The following MYO7A variants were observed in gnomAD, a reference collection of about 807,000 sequenced individuals.
MYO7A encodes the protein unconventional myosin-VIIa.
Under a neutral mutation model 263.8 loss-of-function variants are expected in MYO7A, and 210 were observed. The observed-to-expected ratio is 0.80, with a 90% CI of 0.71 to 0.89. The LOEUF (loss-of-function observed/expected upper bound fraction) is 0.89. Ranked by LOEUF, MYO7A falls within the 40% of genes least tolerant of loss-of-function variation. The pLI is 0.00. For synonymous variants in MYO7A, 1,239 were observed against 1,197.3 expected (o/e 1.03, Z -0.72); for missense variants, 2,820 against 2,968.3 (o/e 0.95, Z 1.16).
At chr11:77,200,296 G>C (rs528018810) in intron 35 of MYO7A, among the ~76,000 whole-genome samples, 1 of 151,974 alleles carries the variant, frequency 6.6e-6, no homozygotes, top group African/African-American at 2.4e-5. Context: ...AAGAAACAAA[G>C]AGAAAAAAGA....
At chr11:77,172,237 A>C (rs138386396) in intron 15 of MYO7A, among the ~76,000 whole-genome samples, 1 of 152,178 alleles carries the variant, frequency 6.6e-6, no homozygotes, top group Non-Finnish European at 1.5e-5. Context: ...CATCACCTCC[A>C]CTTAGGAAAC....
At chr11:77,163,136 G>T in intron 14 of MYO7A, 148 bp downstream of exon 14, 3 of 856,116 alleles carry the variant, frequency 3.5e-6, no homozygotes, top group Non-Finnish European at 3.4e-6. Context: ...GACTAAAATG[G>T]CCAAGTGTTG....
At chr11:77,137,107 C>T (rs1555047721) in intron 2 of MYO7A, among the ~76,000 whole-genome samples, 3 of 152,126 alleles carry the variant, frequency 2.0e-5, no homozygotes, top group Non-Finnish European at 2.9e-5. Context: ...TATAGATGGG[C>T]GGGGAGAGAT....
intron 27 of MYO7A, among the ~76,000 whole-genome samples, chr11:77,188,535 G>A (rs1011855112): frequency 1.3e-5 from 2 of 151,124 alleles, no homozygotes; most frequent in South Asian, 2.1e-4. Context: ...GCCCCCTGGC[G>A]GACACTGCAT....
In MYO7A at chr11:77,149,386, G is replaced by T. The variant is rs1374251816; in HGVS notation, c.285+1436G>T. Among the ~76,000 whole-genome samples, 3 of 152,326 alleles carry T rather than the reference G, an allele frequency of 2.0e-5. No homozygotes were observed. The South Asian group carries it at 6.2e-4, about 32-fold the overall frequency. The stretch of plus-strand genomic sequence containing the variant: ...TATTTGGGCTTCTGGAGGTGGGTGA[G>T]GTTGGCTGGTAGAGATGGCATTCAG... On this transcript the variant is annotated intron_variant, in intron 4 of 48. Transcript: ENST00000409709.
At chr11:77,158,152 C>CA in intron 8 of MYO7A, 125 bp from the exon 9 acceptor site, 1 of 1,120,966 alleles carries the variant, frequency 8.9e-7, no homozygotes, top group Non-Finnish European at 1.2e-6. Flanking sequence ...GAGGTCAGCG[C>CA]CTGGGGCCCC....
In MYO7A at chr11:77,214,663, G is replaced by C; in HGVS notation, c.6615G>C (p.Met2205Ile). 1.3e-6 allele frequency: 2 copies of C among 1,588,180 alleles called. No individual in the cohort carries two copies. Among genetic ancestry groups the C allele is most frequent in the Non-Finnish European group, 1.7e-6 (2 of 1,167,348 alleles). The change falls in exon 49 of 49, where the codon ATG (methionine) becomes ATC (isoleucine). Residue 2205 changes from methionine to isoleucine, a missense_variant. Transcript: ENST00000409709. ...ACATTAGCCAGATGCTCACAGCCAT[G>C]AGCAAACAGCGGGGCTCCAGGAGCG... The part of the protein sequence containing the change: ...TSYISQMLTA[M>I]SKQRGSRSGK
At chr11:77,130,562 A>G (rs1195872949) in intron 1 of MYO7A, 27 bp from the exon 2 acceptor site, 2 of 1,581,590 alleles carry the variant, frequency 1.3e-6, no homozygotes, top group Non-Finnish European at 1.7e-6. Context: ...CCTGCCCAGA[A>G]GCATGACATG....
At position 77,160,169 on chromosome 11, in the gene MYO7A, C is replaced by G; in HGVS notation, c.1087C>G (p.Pro363Ala). The change falls in exon 11 of 49, where the codon CCC becomes GCC. Residue 363 changes from proline to alanine, a missense_variant. Physicochemically the swap from Pro to Ala is conservative, Grantham distance 27. Transcript: ENST00000409709. ...GGGGTGTTGCCTGTACCAGGTGAACCCCCCAGACCTGATGAGCTGCCTGAC... is the reference window on the plus strand; with the variant it reads ...GGGGTGTTGCCTGTACCAGGTGAACGCCCCAGACCTGATGAGCTGCCTGAC... The part of the protein sequence containing the change: ...ATAASLLEVN[P>A]PDLMSCLTSR... 2 of 1,559,828 alleles carry G rather than the reference C, an allele frequency of 1.3e-6. No homozygotes were observed. The highest frequency in any genetic ancestry group is 1.7e-6 in the Non-Finnish European group (2 of 1,152,688).
chr11:77,171,385 C>T (rs1428060912), intron 15 of MYO7A, among the ~76,000 whole-genome samples: 2 of 152,188 alleles, frequency 1.3e-5, no homozygotes, highest in Admixed American at 6.5e-5. Context: ...TTGAGGACAA[C>T]GCCAGGGGCC....
intron 45 of MYO7A, 103 bp from the exon 46 acceptor site, chr11:77,211,718 T>A: frequency 1.2e-6 from 1 of 833,186 alleles, no homozygotes; most frequent in Admixed American, 2.1e-5. Context: ...GGGGCTGGAG[T>A]GGGCAGGGGT....
At chr11:77,154,633 C>T (rs1952274520) in intron 4 of MYO7A, among the ~76,000 whole-genome samples, 1 of 151,862 alleles carries the variant, frequency 6.6e-6, no homozygotes, top group Non-Finnish European at 1.5e-5. Flanking sequence ...GCCCCCACCC[C>T]ACCCCAGCTC....
intron 4 of MYO7A, among the ~76,000 whole-genome samples, chr11:77,148,407 A>G (rs1951734738): frequency 3.3e-5 from 5 of 152,194 alleles, no homozygotes; most frequent in Admixed American, 1.3e-4. Flanking sequence ...AGGAGGGAAC[A>G]TGCTCTGCTC....
rs1347423545 is a variant in MYO7A, at chr11:77,181,771, TTTTTTTTG to T, written c.2905-172_2905-165del. 2.1e-3 allele frequency among the ~76,000 whole-genome samples: 74 copies of T among 35,904 alleles called. 1 individual carries two copies. The highest frequency in any genetic ancestry group is 0.011 in the African/African-American group (70 of 6,220). The allele number at this position is 35,904 out of a possible 152,430, so 23.6% of individuals were successfully genotyped here. A position where few individuals can be genotyped will look rare whatever the true frequency, so the allele number is the denominator to read the frequency against. Reference sequence around the variant, plus strand: ...CCTCTCCAACGCCCTTCTCAAGTTTTTTTTTTTGTTTTTTTTTTTTTTTTTTTTTTTGA... The same window carrying T: ...CCTCTCCAACGCCCTTCTCAAGTTTTTTTTTTTTTTTTTTTTTTTTTTTGA... On this transcript the variant is annotated intron_variant, in intron 23 of 48. Transcript: ENST00000409709.
chr11:77,157,408 GC>G lies in MYO7A; in HGVS notation c.849+20del, dbSNP rs1555064359. 1.3e-6 allele frequency: 2 copies of G among 1,572,668 alleles called. No individual in the cohort carries two copies. The highest frequency in any genetic ancestry group is 2.3e-5 in the South Asian group (2 of 86,996). On this transcript the variant is annotated intron_variant, in intron 8 of 48. Transcript: ENST00000409709. ...CTTGGCCATGGTGAGGCCCAGGTGG[GC>G]CCCTGGGTAGGGGGGCACCCACCCT... is the stretch of plus-strand genomic sequence containing the variant.
intron 8 of MYO7A, 23 bp downstream of exon 8, chr11:77,157,415 G>T (rs1555064393): frequency 6.5e-7 from 1 of 1,532,980 alleles, no homozygotes; most frequent in African/African-American, 1.4e-5. Context: ...TGGGCCCCTG[G>T]GTAGGGGGGC....
rs768972429 is a variant in MYO7A at position 77,174,911 on chromosome 11, G to A, written c.2091G>A (p.Lys697=). 1.4e-4 allele frequency: 232 copies of A among 1,613,478 alleles called. No individual in the cohort carries two copies. Among genetic ancestry groups the A allele is most frequent in the Non-Finnish European group, 1.8e-4 (218 of 1,179,818 alleles). Residue 697 remains lysine (K), a synonymous_variant, in exon 17 of 49, where the codon AAG becomes AAA. Coordinates refer to ENST00000409709, the MANE Select transcript of MYO7A (RefSeq NM_000260.4). ...VLLPGVKPAY[K]QGDLRGTCQR... Reference sequence around the variant, plus strand: ...TGCCAGGTGTGAAGCCGGCCTACAAGCAGGTACAGGGCTGAGTGCACAGAG... The same window carrying A: ...TGCCAGGTGTGAAGCCGGCCTACAAACAGGTACAGGGCTGAGTGCACAGAG...
At chr11:77,174,516 C>T (rs1215296604) in intron 16 of MYO7A, among the ~76,000 whole-genome samples, 5 of 152,228 alleles carry the variant, frequency 3.3e-5, no homozygotes, top group African/African-American at 9.6e-5. Flanking sequence ...TTGGGTGTCC[C>T]AAGGGGAATT....
intron 27 of MYO7A, among the ~76,000 whole-genome samples, chr11:77,187,817 A>T (rs1955753907): frequency 6.6e-6 from 1 of 152,200 alleles, no homozygotes; most frequent in African/African-American, 2.4e-5. Flanking sequence ...GGCAGGGACC[A>T]AGCCCCACTT....
Sources: allele counts gnomAD v4.1 joint callset (sites outside exome capture counted in the v4.1 genomes callset), GRCh38; gene constraint gnomAD v4.1.1; transcripts MANE v1.5; gene names NCBI Gene and HGNC (gene_info 2026-07-23, HGNC 2026-07-21).